CSRNP3: variants seen among roughly 807,000 people sequenced by gnomAD.
The protein encoded by CSRNP3 is cysteine/serine-rich nuclear protein 3.
CSRNP3 carries 12 observed loss-of-function variants against 48.0 expected under a neutral mutation model. The ratio of observed to expected loss-of-function variants is 0.25; its 90% CI spans 0.16 to 0.41. CSRNP3 has a LOEUF of 0.41. Ranked by LOEUF, CSRNP3 falls within the 10% of genes least tolerant of loss-of-function variation. The probability of loss-of-function intolerance (pLI) is 1.00; values close to 1 mark genes in which losing one functional copy is unlikely to be tolerated. For synonymous variants in CSRNP3, 263 were observed against 269.7 expected (o/e 0.98, Z 0.24); for missense variants, 580 against 724.4 (o/e 0.80, Z 2.29).
At position 165,673,131 on chromosome 2, in the gene CSRNP3, CTT is replaced by C. The variant is rs3032370; in HGVS notation, c.409-3158_409-3157del. On this transcript the variant is annotated intron_variant, in intron 5 of 6. Transcript: ENST00000651982. ...AGCAAGAGTGAAACAGTATGTAGCT[CTT>C]TTTTTTTTTTTTTTTTTTTTTTGAG... is the stretch of plus-strand genomic sequence containing the variant. Among the ~76,000 whole-genome samples the C allele has an allele frequency of 4.4e-3, 296 of 67,112 alleles. 2 individuals are homozygous for C. Among genetic ancestry groups the C allele is most frequent in the African/African-American group, 0.016 (265 of 16,956 alleles). The allele number at this position is 67,112 out of a possible 152,430, so 44.0% of individuals were successfully genotyped here. A position where few individuals can be genotyped will look rare whatever the true frequency, so the allele number is the denominator to read the frequency against.
At chr2:165,489,042 A>T (rs1260956887) in intron 1 of CSRNP3, among the ~76,000 whole-genome samples, 2 of 144,858 alleles carry the variant, frequency 1.4e-5, no homozygotes, top group Middle Eastern at 3.5e-3. Flanking sequence ...AAATTGATAG[A>T]CCGCTAGCAA....
intron 3 of CSRNP3, among the ~76,000 whole-genome samples, chr2:165,553,656 C>T (rs531661965): frequency 3.8e-4 from 58 of 152,224 alleles, no homozygotes; most frequent in African/African-American, 1.4e-3. Context: ...AAAATAAAAG[C>T]AGAATAGAAC....
Position 165,469,729 on chromosome 2 carries a change from C to T in CSRNP3, c.-294C>T, listed in dbSNP as rs1949283. ...TTCTGACGGAGCCGAAGTACAGAAA[C>T]CATATTTACAGGTAAGAGCGAAAAA... On this transcript the variant is annotated 5_prime_UTR_variant, in exon 1 of 7. Coordinates refer to ENST00000651982, the MANE Select transcript of CSRNP3 (RefSeq NM_001172173.2). 1.3e-5 allele frequency: 2 copies of T among 152,018 alleles called. No individual in the cohort carries two copies. Among genetic ancestry groups the T allele is most frequent in the African/African-American group, 4.8e-5 (2 of 41,246 alleles). The allele number at this position is 152,018 out of a possible 1,614,324, so 9.4% of individuals were successfully genotyped here. A position where few individuals can be genotyped will look rare whatever the true frequency, so the allele number is the denominator to read the frequency against.
intron 2 of CSRNP3, among the ~76,000 whole-genome samples, chr2:165,500,187 G>T (rs1195503150): frequency 6.6e-6 from 1 of 151,560 alleles, no homozygotes; most frequent in Non-Finnish European, 1.5e-5. Flanking sequence ...AGTCTGTGGT[G>T]GGTCCCATTA....
intron 4 of CSRNP3, among the ~76,000 whole-genome samples, chr2:165,656,141 G>A (rs1297455712): frequency 3.3e-5 from 5 of 152,180 alleles, no homozygotes; most frequent in Non-Finnish European, 7.3e-5. Flanking sequence ...GGGGTGGATC[G>A]TATAATTTGG....
chr2:165,481,871 C>T (rs1684048018), intron 1 of CSRNP3, among the ~76,000 whole-genome samples: 1 of 151,948 alleles, frequency 6.6e-6, no homozygotes, highest in Non-Finnish European at 1.5e-5. Context: ...TAAGTGGGAG[C>T]TAAATACTGA....
chr2:165,594,206 A>C (rs1685773018), intron 3 of CSRNP3, among the ~76,000 whole-genome samples: 1 of 152,178 alleles, frequency 6.6e-6, no homozygotes, highest in South Asian at 2.1e-4. Flanking sequence ...CTTTCAGTTA[A>C]TGTAATTTAG....
rs982390179 is a variant in CSRNP3, at chr2:165,684,493, T to C, written c.*4740T>C. 1 of 152,124 alleles carries C rather than the reference T, an allele frequency of 6.6e-6. No homozygotes were observed. Among genetic ancestry groups the C allele is most frequent in the Non-Finnish European group, 1.5e-5 (1 of 68,004 alleles). 9.4% of individuals were successfully genotyped at this position (152,124 alleles called of 1,614,324 possible). On this transcript the variant is annotated 3_prime_UTR_variant, in exon 7 of 7. Transcript: ENST00000651982. ...TTTGTGCTTTCAAAGGCAAGACTTG[T>C]CTGTAATTTTAAATTAGAACTGTTG...
At chr2:165,609,316 G>A (rs554185704) in intron 4 of CSRNP3, among the ~76,000 whole-genome samples, 3 of 150,522 alleles carry the variant, frequency 2.0e-5, no homozygotes, top group South Asian at 4.2e-4. Flanking sequence ...AAAATTAGCC[G>A]GGCACGGTGG....
At chr2:165,519,673 T>TTGACAA (rs947550273) in intron 3 of CSRNP3, among the ~76,000 whole-genome samples, 1 of 152,148 alleles carries the variant, frequency 6.6e-6, no homozygotes, top group Admixed American at 6.5e-5. Flanking sequence ...AAGTGCCTAC[T>TTGACAA]ATGTGCATGG....
intron 4 of CSRNP3, among the ~76,000 whole-genome samples, chr2:165,635,755 G>A (rs1686616485): frequency 6.6e-6 from 1 of 152,160 alleles, no homozygotes; most frequent in Non-Finnish European, 1.5e-5. Flanking sequence ...TCATAGGCCA[G>A]TACAGCTCAC....
At chr2:165,523,249 CATTA>C (rs1462602340) in intron 3 of CSRNP3, among the ~76,000 whole-genome samples, 1 of 152,158 alleles carries the variant, frequency 6.6e-6, no homozygotes, top group African/African-American at 2.4e-5. Context: ...GACCTTTTGC[CATTA>C]ATTGTTTCTT....
chr2:165,489,334 C>G (rs202037979), intron 1 of CSRNP3, among the ~76,000 whole-genome samples: 25,164 of 139,346 alleles, frequency 0.18, 2,658 homozygotes, highest in East Asian at 0.33. Flanking sequence ...GAGTCCAGGA[C>G]CAGATGGATT....
At chr2:165,669,649 TACG>T (rs1177639813) in intron 5 of CSRNP3, among the ~76,000 whole-genome samples, 1 of 152,326 alleles carries the variant, frequency 6.6e-6, no homozygotes, top group East Asian at 1.9e-4. Context: ...TATCAGTGCA[TACG>T]AATCTGCAAA....
rs555335850 is a variant in CSRNP3 at position 165,684,508 on chromosome 2, T to G, written c.*4755T>G. The G allele has an allele frequency of 1.3e-5, 2 of 152,114 alleles. No individual in the cohort carries two copies. The highest frequency in any genetic ancestry group is 2.9e-5 in the Non-Finnish European group (2 of 67,984). 9.4% of individuals were successfully genotyped at this position (152,114 alleles called of 1,614,324 possible). On this transcript the variant is annotated 3_prime_UTR_variant, in exon 7 of 7. Coordinates refer to ENST00000651982, the MANE Select transcript of CSRNP3 (RefSeq NM_001172173.2). The stretch of plus-strand genomic sequence containing the variant: ...GCAAGACTTGTCTGTAATTTTAAAT[T>G]AGAACTGTTGGTTGTATTCTTACCA...
intron 4 of CSRNP3, among the ~76,000 whole-genome samples, chr2:165,621,178 T>C (rs757692433): frequency 6.6e-6 from 1 of 152,142 alleles, no homozygotes; most frequent in African/African-American, 2.4e-5. Context: ...TCGTGGGTCA[T>C]TGTAGTCCCG....
At chr2:165,490,146 C>G (rs1481322719) in intron 1 of CSRNP3, among the ~76,000 whole-genome samples, 1 of 148,356 alleles carries the variant, frequency 6.7e-6, no homozygotes, top group Non-Finnish European at 1.5e-5. Flanking sequence ...CATTCTTATA[C>G]ACCAACAACA....
chr2:165,500,550 C>T (rs1039876739), intron 2 of CSRNP3, among the ~76,000 whole-genome samples: 12 of 151,832 alleles, frequency 7.9e-5, no homozygotes, highest in East Asian at 3.9e-4. Flanking sequence ...CTCCACCTCC[C>T]GGGCTCAAGT....
At chr2:165,487,881 C>G (rs769216635) in intron 1 of CSRNP3, among the ~76,000 whole-genome samples, 1,868 of 143,396 alleles carry the variant, frequency 0.013, 31 homozygotes, top group Middle Eastern at 0.017. Flanking sequence ...GAAGAAACTG[C>G]ATCAACTAAT....
Sources: allele counts gnomAD v4.1 joint callset (sites outside exome capture counted in the v4.1 genomes callset), GRCh38; gene constraint gnomAD v4.1.1; transcripts MANE v1.5; gene names NCBI Gene and HGNC (gene_info 2026-07-23, HGNC 2026-07-21).